Variants in VAC14 observed in about 807,000 individuals in gnomAD.
VAC14 encodes the protein protein VAC14 homolog.
In VAC14, 47 loss-of-function variants were observed where a neutral mutation model predicts 85.3. The ratio of observed to expected loss-of-function variants is 0.55; its 90% CI spans 0.44 to 0.70. VAC14 has a LOEUF of 0.70. VAC14 is among the 30% of genes least tolerant of loss of function. The pLI, the probability that VAC14 is intolerant of heterozygous loss-of-function variation, is 0.00. For synonymous variants in VAC14, 447 were observed against 430.5 expected, an observed-to-expected ratio of 1.04 and a Z score of -0.47; for missense variants, 861 against 1,004.3, an observed-to-expected ratio of 0.86 and a Z score of 1.93.
intron 1 of VAC14, among the ~76,000 whole-genome samples, chr16:70,795,955 G>C (rs1009386746): frequency 6.6e-6 from 1 of 152,122 alleles, no homozygotes; most frequent in Non-Finnish European, 1.5e-5. Flanking sequence ...ACTGATCAGA[G>C]TGCCTGCTAG....
intron 17 of VAC14, among the ~76,000 whole-genome samples, chr16:70,694,808 C>G (rs1208920165): frequency 6.6e-6 from 1 of 152,268 alleles, no homozygotes; most frequent in African/African-American, 2.4e-5. Context: ...CTCCTGCCCA[C>G]TGGCTCCCAG....
chr16:70,708,014 C>T (rs2053954782), intron 14 of VAC14, among the ~76,000 whole-genome samples: 1 of 152,210 alleles, frequency 6.6e-6, no homozygotes, highest in Non-Finnish European at 1.5e-5. Flanking sequence ...TGGTCTTGAA[C>T]TCCTGACCTC....
intron 6 of VAC14, 117 bp downstream of exon 6, chr16:70,783,328 C>A: frequency 8.8e-7 from 1 of 1,130,262 alleles, no homozygotes; most frequent in Non-Finnish European, 1.3e-6. Flanking sequence ...AGCACAAGAG[C>A]CAGGAAGAAG....
At chr16:70,769,149 A>C (rs1441312271) in intron 10 of VAC14, 1 of 196,936 alleles carries the variant, frequency 5.1e-6, no homozygotes, top group Non-Finnish European at 1.0e-5. Flanking sequence ...GAGGGTCCAT[A>C]GCTTTCATCA....
At chr16:70,689,933 C>T in intron 18 of VAC14, 1 of 985,510 alleles carries the variant, frequency 1.0e-6, no homozygotes, top group Non-Finnish European at 1.2e-6. Flanking sequence ...GCCAGACGCT[C>T]CTCTAACCCA....
At chr16:70,688,128 C>T in intron 18 of VAC14, 38 bp from the exon 19 acceptor site, 2 of 1,496,938 alleles carry the variant, frequency 1.3e-6, no homozygotes, top group South Asian at 2.7e-5. Flanking sequence ...TGTCAGGGAT[C>T]AGCTCACAGG....
At chr16:70,689,944 C>T in intron 18 of VAC14, 1 of 985,530 alleles carries the variant, frequency 1.0e-6, no homozygotes, top group Non-Finnish European at 1.2e-6. Flanking sequence ...CTCTAACCCA[C>T]TTAGGCCAAG....
chr16:70,700,848 T>TGACA (rs1456562644), intron 14 of VAC14, among the ~76,000 whole-genome samples: 3 of 152,148 alleles, frequency 2.0e-5, no homozygotes, highest in Admixed American at 2.0e-4. Flanking sequence ...GCCGTCTCCA[T>TGACA]GACAGAGGCC....
chr16:70,761,174 T>A (rs1011082558), intron 12 of VAC14: 1 of 455,788 alleles, frequency 2.2e-6, no homozygotes, highest in Non-Finnish European at 4.4e-6. Context: ...GAAAGCAAAT[T>A]CAGGCTGCAG....
rs1487314902 is a variant in VAC14, at chr16:70,688,012, A to G, written c.2265T>C (p.Phe755=). The change falls in exon 19 of 19, where the codon TTT becomes TTC. Residue 755 remains phenylalanine, a synonymous_variant. Coordinates refer to ENST00000261776, the MANE Select transcript of VAC14 (RefSeq NM_018052.5). ...SIDYAELLQH[F]EKVQNKHLEV... ...CCAGGTGCTTGTTCTGGACCTTCTC[A>G]AAGTGCTGCAGCAGCTCTGCGTAGT... The G allele has an allele frequency of 6.2e-7, 1 of 1,606,768 alleles. No individual in the cohort carries two copies. The highest frequency in any genetic ancestry group is 8.5e-7 in the Non-Finnish European group (1 of 1,175,828).
At chr16:70,727,755 C>A (rs188218655) in intron 14 of VAC14, among the ~76,000 whole-genome samples, 3 of 152,366 alleles carry the variant, frequency 2.0e-5, no homozygotes, top group East Asian at 1.9e-4. Context: ...CTCAGCCCCC[C>A]ACAGGAGCAT....
chr16:70,719,385 G>C (rs2054235745), intron 14 of VAC14, among the ~76,000 whole-genome samples: 1 of 152,166 alleles, frequency 6.6e-6, no homozygotes, highest in South Asian at 2.1e-4. Flanking sequence ...ACCTGGACTA[G>C]ATTAAAAATA....
intron 14 of VAC14, among the ~76,000 whole-genome samples, chr16:70,724,751 C>T (rs2054380083): frequency 6.6e-6 from 1 of 152,228 alleles, no homozygotes; most frequent in African/African-American, 2.4e-5. Flanking sequence ...ACACAAGGAG[C>T]TGGACAGACA....
At chr16:70,698,841 G>A (rs768377165) in intron 14 of VAC14, 30 bp from the exon 15 acceptor site, 21 of 1,610,436 alleles carry the variant, frequency 1.3e-5, no homozygotes, top group Non-Finnish European at 1.6e-5. Context: ...GGGTCAGGGC[G>A]CAGGCCGACC....
intron 7 of VAC14, 146 bp downstream of exon 7, chr16:70,782,886 AG>A (rs2033878837): frequency 2.7e-6 from 2 of 747,994 alleles, no homozygotes. Context: ...CACCTCTCCC[AG>A]GGCCCACTGT....
intron 14 of VAC14, among the ~76,000 whole-genome samples, chr16:70,724,422 C>A (rs910032098): frequency 3.9e-5 from 6 of 152,202 alleles, no homozygotes; most frequent in Non-Finnish European, 7.3e-5. Context: ...GACTAGGGAA[C>A]AATGGAATGC....
chr16:70,694,571 G>A (rs1011378456), intron 17 of VAC14, among the ~76,000 whole-genome samples: 4 of 152,226 alleles, frequency 2.6e-5, no homozygotes, highest in Non-Finnish European at 5.9e-5. Context: ...GGCTCAGGCT[G>A]ATGGGCTTAG....
At position 70,694,218 on chromosome 16, in the gene VAC14, G is replaced by A. The variant is rs549317003; in HGVS notation, c.2036-1247C>T. On this transcript the variant is annotated intron_variant, in intron 17 of 18. Transcript: ENST00000261776. Reference sequence around the variant, plus strand: ...GAGTTCCTCCAGGGTCAGGGAGGGAGGGCAGTCATCCTAGGGATGCTTCTG... The same window carrying A: ...GAGTTCCTCCAGGGTCAGGGAGGGAAGGCAGTCATCCTAGGGATGCTTCTG... Among the ~76,000 whole-genome samples, 3 of 152,338 alleles carry A rather than the reference G, an allele frequency of 2.0e-5. No homozygotes were observed. The South Asian group carries it at 6.2e-4, about 32-fold the overall frequency.
chr16:70,789,894 C>T (rs1005175830), intron 1 of VAC14, among the ~76,000 whole-genome samples: 2 of 152,098 alleles, frequency 1.3e-5, no homozygotes, highest in Non-Finnish European at 2.9e-5. Context: ...GGGACATCCT[C>T]GAGGCTTCAG....
Sources: gnomAD v4.1 joint callset for allele counts (sites outside exome capture counted in the v4.1 genomes callset) on GRCh38, gnomAD v4.1.1 for gene constraint, MANE v1.5 for transcripts, NCBI Gene and HGNC (gene_info 2026-07-23, HGNC 2026-07-21) for gene names.